Variants in RBMS3 observed in about 807,000 individuals in gnomAD.
RBMS3 encodes the protein RNA binding motif single stranded interacting protein 3.
Under a neutral mutation model 66.8 loss-of-function variants are expected in RBMS3, and 27 were observed. That is an observed-to-expected ratio of 0.40 (90% confidence interval 0.30 to 0.56). The LOEUF (loss-of-function observed/expected upper bound fraction) is 0.56, where lower values mean the gene tolerates loss of function less well. RBMS3 is among the 20% of genes least tolerant of loss of function. The probability of loss-of-function intolerance (pLI) is 0.40; values close to 1 mark genes in which losing one functional copy is unlikely to be tolerated. For missense variants in RBMS3, 513 were observed against 549.5 expected (o/e 0.93, Z 0.66); for synonymous variants, 188 against 183.0 (o/e 1.03, Z -0.22).
intron 7 of RBMS3, among the ~76,000 whole-genome samples, chr3:29,871,219 C>A (rs896131825): frequency 1.3e-5 from 2 of 152,100 alleles, no homozygotes; most frequent in Admixed American, 6.6e-5. Flanking sequence ...GAAATTGGTT[C>A]TCTTAGACTA....
At chr3:29,560,488 C>A (rs1245006493) in intron 3 of RBMS3, among the ~76,000 whole-genome samples, 2 of 152,148 alleles carry the variant, frequency 1.3e-5, no homozygotes, top group Non-Finnish European at 2.9e-5. Context: ...TCACCAAAGA[C>A]AAATAGAAAC....
Position 29,549,580 on chromosome 3 carries a change from A to T in RBMS3, c.308-37534A>T, listed in dbSNP as rs2046110755. 2.0e-5 allele frequency among the ~76,000 whole-genome samples: 3 copies of T among 151,846 alleles called. No individual in the cohort carries two copies. In the South Asian group the frequency reaches 6.2e-4, roughly 32 times the overall value. On this transcript the variant is annotated intron_variant, in intron 3 of 14. Transcript: ENST00000383767. The stretch of plus-strand genomic sequence containing the variant: ...ATGTCCAGCTAATTTTTGTCTTTTT[A>T]GTAGAGATGGGGTTTCACTTTATTG...
intron 12 of RBMS3, among the ~76,000 whole-genome samples, chr3:29,952,966 G>C (rs145158972): frequency 6.6e-6 from 1 of 151,848 alleles, no homozygotes; most frequent in Non-Finnish European, 1.5e-5. Context: ...ACTTGTTCTG[G>C]AGGGTTGAAG....
intron 1 of RBMS3, among the ~76,000 whole-genome samples, chr3:29,308,815 A>G (rs2034192228): frequency 6.9e-6 from 1 of 144,866 alleles, no homozygotes; most frequent in Non-Finnish European, 1.5e-5. Flanking sequence ...AAAAAAAAAA[A>G]GAAGAAAGCT....
chr3:29,800,030 T>C lies in RBMS3; in HGVS notation c.637+37041T>C, dbSNP rs561006913. Among the ~76,000 whole-genome samples the C allele has an allele frequency of 2.7e-3, 410 of 152,332 alleles. 1 individual carries two copies. Among genetic ancestry groups the C allele is most frequent in the African/African-American group, 9.7e-3 (402 of 41,586 alleles). ...CCCTCTGCTCACATCACATAATAGA[T>C]GTACCATGTATACTGAATGGCATTT... On this transcript the variant is annotated intron_variant, in intron 6 of 14. Transcript: ENST00000383767.
At chr3:29,817,881 T>C (rs1215296373) in intron 6 of RBMS3, among the ~76,000 whole-genome samples, 1 of 152,116 alleles carries the variant, frequency 6.6e-6, no homozygotes, top group East Asian at 1.9e-4. Context: ...CTACAGTTAA[T>C]CTATTATTGA....
chr3:29,833,336 A>G (rs1443858455), intron 6 of RBMS3, among the ~76,000 whole-genome samples: 2 of 152,202 alleles, frequency 1.3e-5, no homozygotes, highest in Non-Finnish European at 2.9e-5. Context: ...ATTAAGATCT[A>G]TAAATTGCCT....
intron 2 of RBMS3, among the ~76,000 whole-genome samples, chr3:29,480,670 A>T (rs1316891914): frequency 6.6e-6 from 1 of 152,230 alleles, no homozygotes; most frequent in East Asian, 1.9e-4. Context: ...AAACTGGATA[A>T]TACAAAGAAA....
intron 6 of RBMS3, among the ~76,000 whole-genome samples, chr3:29,866,566 T>G (rs904879858): frequency 6.6e-6 from 1 of 152,156 alleles, no homozygotes; most frequent in Non-Finnish European, 1.5e-5. Context: ...ATCTTTAAAA[T>G]GGCAAGAGAG....
intron 4 of RBMS3, among the ~76,000 whole-genome samples, chr3:29,647,435 G>T (rs914856957): frequency 2.0e-5 from 3 of 152,114 alleles, no homozygotes; most frequent in African/African-American, 4.8e-5. Context: ...AAAAAGCTAC[G>T]ATTCAAAGTT....
intron 3 of RBMS3, among the ~76,000 whole-genome samples, chr3:29,562,428 G>A (rs577940089): frequency 2.0e-5 from 3 of 152,120 alleles, no homozygotes; most frequent in South Asian, 4.1e-4. Context: ...TTTAAAAATA[G>A]TGCTGACCAA....
intron 3 of RBMS3, among the ~76,000 whole-genome samples, chr3:29,522,729 G>A (rs1485146322): frequency 1.3e-5 from 2 of 152,086 alleles, no homozygotes; most frequent in Non-Finnish European, 2.9e-5. Flanking sequence ...TTATTCGTCT[G>A]CCAATACTAC....
intron 14 of RBMS3, 142 bp from the exon 15 acceptor site, chr3:30,003,714 A>C (rs1553718408): frequency 4.1e-6 from 2 of 486,924 alleles, no homozygotes; most frequent in Non-Finnish European, 6.9e-6. Flanking sequence ...TCATAGACTC[A>C]GTATGATTTT....
chr3:29,574,828 A>AACAC (rs201818764), intron 3 of RBMS3, among the ~76,000 whole-genome samples: 6,235 of 146,892 alleles, frequency 0.042, 196 homozygotes, highest in East Asian at 0.16. Context: ...TGCATAAGAA[A>AACAC]ACACACACAC....
intron 14 of RBMS3, among the ~76,000 whole-genome samples, chr3:29,992,659 C>T (rs917757901): frequency 6.6e-6 from 1 of 152,016 alleles, no homozygotes; most frequent in Non-Finnish European, 1.5e-5. Flanking sequence ...AGAGCATGCT[C>T]AGTTCAGAAC....
intron 4 of RBMS3, among the ~76,000 whole-genome samples, chr3:29,716,773 G>T (rs2053415542): frequency 6.6e-6 from 1 of 152,022 alleles, no homozygotes; most frequent in African/African-American, 2.4e-5. Context: ...AATTGTTTCT[G>T]TCCCACTTAC....
chr3:29,481,007 G>T (rs1262503971), intron 2 of RBMS3, among the ~76,000 whole-genome samples: 3 of 152,168 alleles, frequency 2.0e-5, no homozygotes, highest in African/African-American at 7.2e-5. Context: ...TCTGTAGCTG[G>T]TCTGTCTGAG....
At chr3:29,401,644 A>C (rs1230045437) in intron 1 of RBMS3, among the ~76,000 whole-genome samples, 1 of 152,122 alleles carries the variant, frequency 6.6e-6, no homozygotes, top group East Asian at 1.9e-4. Flanking sequence ...ATAAAGGAGC[A>C]TGGGCATATA....
intron 2 of RBMS3, among the ~76,000 whole-genome samples, chr3:29,455,433 G>A (rs932596332): frequency 3.5e-5 from 5 of 143,254 alleles, no homozygotes; most frequent in Non-Finnish European, 6.2e-5. Context: ...TGAAGTCACC[G>A]CAAACACTGG....
Sources: gnomAD v4.1 joint callset for allele counts (sites outside exome capture counted in the v4.1 genomes callset) on GRCh38, gnomAD v4.1.1 for gene constraint, MANE v1.5 for transcripts, NCBI Gene and HGNC (gene_info 2026-07-23, HGNC 2026-07-21) for gene names.